PTPRD: variants seen among roughly 807,000 people sequenced by gnomAD.
PTPRD encodes protein tyrosine phosphatase receptor type D, also known as receptor-type tyrosine-protein phosphatase delta.
In PTPRD, 34 loss-of-function variants were observed where a neutral mutation model predicts 214.5. That is an observed-to-expected ratio of 0.16 (90% CI 0.12 to 0.21). The LOEUF is 0.21. Among genes scored for constraint, PTPRD ranks in the 10% least tolerant of loss-of-function variants. The probability of loss-of-function intolerance (pLI) is 1.00; values close to 1 mark genes in which losing one functional copy is unlikely to be tolerated. For synonymous variants in PTPRD, 1,128 were observed against 845.7 expected, an observed-to-expected ratio of 1.33 and a Z score of -5.79; for missense variants, 2,545 against 2,398.7, an observed-to-expected ratio of 1.06 and a Z score of -1.27.
At chr9:10,114,156 G>A (rs1477862560) in intron 3 of PTPRD, among the ~76,000 whole-genome samples, 1 of 152,138 alleles carries the variant, frequency 6.6e-6, no homozygotes, top group African/African-American at 2.4e-5. Flanking sequence ...ACAGCAGTGT[G>A]CCATTATATA....
chr9:8,817,107 C>T (rs1184588517), intron 11 of PTPRD, among the ~76,000 whole-genome samples: 1 of 152,110 alleles, frequency 6.6e-6, no homozygotes, highest in Non-Finnish European at 1.5e-5. Flanking sequence ...TCAATTACGG[C>T]CTTAAATTTG....
chr9:9,758,801 AGT>A (rs1295798603), intron 6 of PTPRD, among the ~76,000 whole-genome samples: 1 of 150,766 alleles, frequency 6.6e-6, no homozygotes, highest in African/African-American at 2.4e-5. Flanking sequence ...TGGAACATCA[AGT>A]CTCTCTTGTG....
At chr9:9,386,577 A>G (rs943369390) in intron 9 of PTPRD, among the ~76,000 whole-genome samples, 1 of 152,186 alleles carries the variant, frequency 6.6e-6, no homozygotes, top group Non-Finnish European at 1.5e-5. Flanking sequence ...GTTATTATAT[A>G]TATTTGTAGA....
intron 30 of PTPRD, among the ~76,000 whole-genome samples, chr9:8,483,548 T>A (rs749289769): frequency 2.6e-5 from 4 of 152,122 alleles, no homozygotes; most frequent in Non-Finnish European, 5.9e-5. Flanking sequence ...GTCAGGAGAT[T>A]GAGACCATCC....
intron 12 of PTPRD, among the ~76,000 whole-genome samples, chr9:8,708,030 T>C (rs1354738924): frequency 6.6e-6 from 1 of 152,180 alleles, no homozygotes; most frequent in East Asian, 1.9e-4. Flanking sequence ...AAGCTAGCTC[T>C]GCACCATGCA....
At chr9:8,825,518 A>C (rs1017639386) in intron 11 of PTPRD, among the ~76,000 whole-genome samples, 2 of 152,232 alleles carry the variant, frequency 1.3e-5, no homozygotes, top group African/African-American at 2.4e-5. Flanking sequence ...AAGCTGTAAT[A>C]GCTTAAAAGA....
At chr9:8,672,390 C>A (rs143513861) in intron 12 of PTPRD, among the ~76,000 whole-genome samples, 10 of 152,066 alleles carry the variant, frequency 6.6e-5, no homozygotes, top group African/African-American at 2.4e-4. Flanking sequence ...TGACACTACA[C>A]ATATCTACAA....
At chr9:8,739,743 C>A (rs1238553813) in intron 11 of PTPRD, among the ~76,000 whole-genome samples, 2 of 152,186 alleles carry the variant, frequency 1.3e-5, no homozygotes, top group African/African-American at 4.8e-5. Context: ...CCACCCAAAT[C>A]TCATCTTGAA....
At chr9:9,889,549 G>C (rs1336087879) in intron 5 of PTPRD, among the ~76,000 whole-genome samples, 2 of 152,132 alleles carry the variant, frequency 1.3e-5, no homozygotes, top group Admixed American at 6.6e-5. Flanking sequence ...CTCTAAGTTG[G>C]TGCTTTAGTC....
At chr9:9,971,385 G>A (rs965042772) in intron 4 of PTPRD, among the ~76,000 whole-genome samples, 1 of 152,098 alleles carries the variant, frequency 6.6e-6, no homozygotes, top group Non-Finnish European at 1.5e-5. Flanking sequence ...AGATGTCCCT[G>A]AGTTGATAGT....
chr9:9,274,612 T>G (rs1265212216), intron 9 of PTPRD, among the ~76,000 whole-genome samples: 1 of 151,204 alleles, frequency 6.6e-6, no homozygotes, highest in Non-Finnish European at 1.5e-5. Flanking sequence ...TTCATCCAAC[T>G]TTTCTTTTTC....
chr9:8,353,848 GTA>G (rs2076209620), intron 39 of PTPRD, among the ~76,000 whole-genome samples: 6 of 134,992 alleles, frequency 4.4e-5, no homozygotes, highest in African/African-American at 1.6e-4. Context: ...ATGTATATAT[GTA>G]TATATGTGTA....
At position 9,660,517 on chromosome 9, in the gene PTPRD, T is replaced by C. The variant is rs562407248; in HGVS notation, c.-287+74016A>G. On this transcript the variant is annotated intron_variant, in intron 7 of 45. Transcript: ENST00000381196. ...ATAGATGTGGGTTATACTTGGGATATAGGATGTAGAAAAGAGGAGTCAAAG... is the reference window on the plus strand; with the variant it reads ...ATAGATGTGGGTTATACTTGGGATACAGGATGTAGAAAAGAGGAGTCAAAG... 2.1e-4 allele frequency among the ~76,000 whole-genome samples: 32 copies of C among 152,070 alleles called. No individual in the cohort carries two copies. The South Asian group carries it at 5.0e-3, about 24-fold the overall frequency.
chr9:9,558,710 C>T (rs893386121), intron 8 of PTPRD, among the ~76,000 whole-genome samples: 2 of 152,164 alleles, frequency 1.3e-5, no homozygotes, highest in Non-Finnish European at 2.9e-5. Context: ...TTAGCTACTC[C>T]GTTTACACCT....
At chr9:8,622,797 A>T (rs2095862525) in intron 14 of PTPRD, among the ~76,000 whole-genome samples, 1 of 151,942 alleles carries the variant, frequency 6.6e-6, no homozygotes, top group Admixed American at 6.6e-5. Flanking sequence ...TCTGCAAGAA[A>T]ATAATATTTA....
intron 43 of PTPRD, among the ~76,000 whole-genome samples, chr9:8,334,171 T>C (rs1222305662): frequency 1.3e-5 from 2 of 152,150 alleles, no homozygotes; most frequent in Non-Finnish European, 2.9e-5. Context: ...AAGTCAGCTC[T>C]GGACTAAGCA....
intron 14 of PTPRD, among the ~76,000 whole-genome samples, chr9:8,557,123 A>T (rs2084073473): frequency 6.6e-6 from 1 of 152,116 alleles, no homozygotes; most frequent in Non-Finnish European, 1.5e-5. Flanking sequence ...AGTGGAAGGG[A>T]GGCAGACAGA....
At chr9:8,595,854 C>T (rs2094449064) in intron 14 of PTPRD, among the ~76,000 whole-genome samples, 2 of 152,128 alleles carry the variant, frequency 1.3e-5, no homozygotes, top group South Asian at 4.1e-4. Flanking sequence ...CTCTATGTGT[C>T]TCTCTTTAAA....
chr9:8,504,529 G>C (rs2097496288), intron 22 of PTPRD, 124 bp from the exon 23 acceptor site: 3 of 1,113,884 alleles, frequency 2.7e-6, no homozygotes, highest in Admixed American at 2.1e-5. Flanking sequence ...ATCACCAAAA[G>C]AGTCAATAGT....
Sources: gnomAD v4.1 joint callset for allele counts (sites outside exome capture counted in the v4.1 genomes callset) on GRCh38, gnomAD v4.1.1 for gene constraint, MANE v1.5 for transcripts, NCBI Gene and HGNC (gene_info 2026-07-23, HGNC 2026-07-21) for gene names.